PANX1: variants seen among roughly 807,000 people sequenced by gnomAD.
The protein encoded by PANX1 is pannexin-1.
PANX1 carries 30 observed loss-of-function variants against 38.7 expected under a neutral mutation model. That is an observed-to-expected ratio of 0.78 (90% CI 0.58 to 1.05). The LOEUF (loss-of-function observed/expected upper bound fraction) is 1.05, where lower values mean the gene tolerates loss of function less well. Among genes scored for constraint, PANX1 ranks in the 50% least tolerant of loss-of-function variants. The probability of loss-of-function intolerance (pLI) is 0.00; values close to 1 mark genes in which losing one functional copy is unlikely to be tolerated. For synonymous variants in PANX1, 230 were observed against 212.2 expected (o/e 1.08, Z -0.73); for missense variants, 551 against 517.2 (o/e 1.07, Z -0.63).
intron 1 of PANX1, among the ~76,000 whole-genome samples, chr11:94,134,504 G>GT (rs947226555): frequency 1.2e-3 from 182 of 152,332 alleles, no homozygotes; most frequent in African/African-American, 4.2e-3. Context: ...AAATTCATAT[G>GT]TCGAAGTCCT....
intron 2 of PANX1, among the ~76,000 whole-genome samples, chr11:94,157,722 G>T (rs1383192318): frequency 1.3e-5 from 2 of 152,140 alleles, no homozygotes; most frequent in African/African-American, 4.8e-5. Context: ...CTTTTGCTGT[G>T]CAGAAAGAAG....
At chr11:94,173,140 AT>A (rs1206400292) in intron 2 of PANX1, among the ~76,000 whole-genome samples, 1 of 151,804 alleles carries the variant, frequency 6.6e-6, no homozygotes. Context: ...TCCTTCATGC[AT>A]CTTTTTACTC....
intron 2 of PANX1, among the ~76,000 whole-genome samples, chr11:94,164,324 A>C (rs1463722931): frequency 1.3e-5 from 2 of 151,858 alleles, no homozygotes; most frequent in Admixed American, 1.3e-4. Flanking sequence ...TACTTTTTTG[A>C]TGTAGGTATT....
At chr11:94,154,809 A>G (rs897190547) in intron 2 of PANX1, among the ~76,000 whole-genome samples, 1 of 152,246 alleles carries the variant, frequency 6.6e-6, no homozygotes. Flanking sequence ...GTCAATTAAC[A>G]CATATTTTAT....
chr11:94,140,350 C>T (rs1946747268), intron 1 of PANX1, among the ~76,000 whole-genome samples: 1 of 152,178 alleles, frequency 6.6e-6, no homozygotes, highest in African/African-American at 2.4e-5. Context: ...ACATTAAAGC[C>T]CTGCCCTTTT....
rs745393925 is a variant in PANX1, at chr11:94,153,598, G to A, written c.289G>A (p.Glu97Lys). Reference protein sequence around the residue: ...AVQQKNSLQSESGNLPLWLHK... With the variant: ...AVQQKNSLQSKSGNLPLWLHK... ...TCAGCAGAAGAACTCACTGCAGAGC[G>A]AGTCTGGAAACCTCCCACTGTGGCT... Residue 97 changes from glutamate (E) to lysine (K), a missense_variant, in exon 2 of 5, where the codon GAG becomes AAG. By Grantham distance (56) the Glu-to-Lys change is moderately conservative. Coordinates refer to ENST00000227638, the MANE Select transcript of PANX1 (RefSeq NM_015368.4). The A allele has an allele frequency of 1.9e-5, 30 of 1,613,810 alleles. No individual in the cohort carries two copies. The East Asian group carries it at 4.7e-4, about 25-fold the overall frequency.
chr11:94,164,236 A>G, intron 2 of PANX1, among the ~76,000 whole-genome samples: 1 of 151,778 alleles, frequency 6.6e-6, no homozygotes, highest in Non-Finnish European at 1.5e-5. Flanking sequence ...TTAATAGTCT[A>G]CTGAATTTGT....
At chr11:94,134,088 G>A (rs1023795930) in intron 1 of PANX1, among the ~76,000 whole-genome samples, 6 of 152,218 alleles carry the variant, frequency 3.9e-5, no homozygotes, top group Non-Finnish European at 5.9e-5. Context: ...TGATTTATAA[G>A]CTCAGGTTAT....
At chr11:94,165,285 A>T (rs1485093494) in intron 2 of PANX1, among the ~76,000 whole-genome samples, 1 of 147,990 alleles carries the variant, frequency 6.8e-6, no homozygotes, top group African/African-American at 2.5e-5. Flanking sequence ...TGTATAAATG[A>T]TTTTTTTGGT....
intron 1 of PANX1, among the ~76,000 whole-genome samples, chr11:94,149,455 A>G (rs1946861484): frequency 6.6e-6 from 1 of 152,174 alleles, no homozygotes; most frequent in Non-Finnish European, 1.5e-5. Context: ...TGCCACAGAC[A>G]TTATTTAATG....
intron 2 of PANX1, chr11:94,175,625 G>A (rs1003146767): frequency 6.9e-6 from 3 of 437,772 alleles, no homozygotes; most frequent in Non-Finnish European, 9.1e-6. Context: ...TTCCCAGATA[G>A]AATGCCTGGC....
chr11:94,136,474 G>C (rs72970709), intron 1 of PANX1, among the ~76,000 whole-genome samples: 2,341 of 152,286 alleles, frequency 0.015, 93 homozygotes, highest in East Asian at 0.13. Context: ...CAGGGACCAT[G>C]TGTCCTTAAA....
At chr11:94,179,158 C>T (rs79084552) in intron 3 of PANX1, among the ~76,000 whole-genome samples, 3,386 of 152,222 alleles carry the variant, frequency 0.022, 132 homozygotes, top group African/African-American at 0.078. Context: ...ATTACTAGTG[C>T]ATTTGTTAAC....
chr11:94,158,768 A>G (rs1207933774), intron 2 of PANX1, among the ~76,000 whole-genome samples: 1 of 152,196 alleles, frequency 6.6e-6, no homozygotes, highest in Non-Finnish European at 1.5e-5. Flanking sequence ...TGCCCTGGCC[A>G]GAACTTCCAA....
chr11:94,175,406 G>A (rs1947221685), intron 2 of PANX1, among the ~76,000 whole-genome samples: 1 of 151,714 alleles, frequency 6.6e-6, no homozygotes, highest in Admixed American at 6.5e-5. Flanking sequence ...ATTACAATGA[G>A]CTGTGCTGAA....
In PANX1 at chr11:94,179,639, A is replaced by T; in HGVS notation, c.583A>T (p.Ile195Phe). 1.2e-6 allele frequency: 2 copies of T among 1,613,592 alleles called. No homozygotes were observed. The highest frequency in any genetic ancestry group is 1.7e-6 in the Non-Finnish European group (2 of 1,179,716). The change falls in exon 4 of 5, where the codon ATT becomes TTT. Residue 195 changes from isoleucine to phenylalanine, a missense_variant. Ile to Phe is a conservative substitution (Grantham distance 21, BLOSUM62 0). Transcript: ENST00000227638. Reference sequence around the variant, plus strand: ...ATCTGAAAGCCACTTCAAGTACCCAATTGTGGAGCAGTACTTGAAGACAAA... The same window carrying T: ...ATCTGAAAGCCACTTCAAGTACCCATTTGTGGAGCAGTACTTGAAGACAAA... ...EVSESHFKYP[I>F]VEQYLKTKKN...
At chr11:94,154,719 T>G (rs1170164637) in intron 2 of PANX1, among the ~76,000 whole-genome samples, 2 of 151,942 alleles carry the variant, frequency 1.3e-5, no homozygotes, top group Non-Finnish European at 2.9e-5. Context: ...GTCAAAAATT[T>G]GTGTGTAACA....
chr11:94,160,544 C>T (rs1292353244), intron 2 of PANX1, among the ~76,000 whole-genome samples: 8 of 152,132 alleles, frequency 5.3e-5, no homozygotes, highest in Non-Finnish European at 7.3e-5. Flanking sequence ...ACTAGGATTG[C>T]AACCCCTGCC....
intron 1 of PANX1, among the ~76,000 whole-genome samples, chr11:94,147,300 T>C (rs1158645830): frequency 6.6e-6 from 1 of 152,198 alleles, no homozygotes. Context: ...AAAATATATA[T>C]ATTTAAATAC....
Sources: gnomAD v4.1 joint callset for allele counts (sites outside exome capture counted in the v4.1 genomes callset) on GRCh38, gnomAD v4.1.1 for gene constraint, MANE v1.5 for transcripts, NCBI Gene and HGNC (gene_info 2026-07-23, HGNC 2026-07-21) for gene names.